Variants in SLC25A26 observed in about 807,000 individuals in gnomAD.
The protein encoded by SLC25A26 is solute carrier family 25 member 26.
A neutral mutation model predicts 37.8 loss-of-function variants in SLC25A26; 36 were observed. That is an observed-to-expected ratio of 0.95 (90% CI 0.73 to 1.26). The LOEUF is 1.26. Among genes scored for constraint, SLC25A26 ranks in the 50% most tolerant of loss-of-function variants. The pLI is 0.00. For synonymous variants in SLC25A26, 129 were observed against 122.5 expected (o/e 1.05, Z -0.35); for missense variants, 390 against 331.1 (o/e 1.18, Z -1.38).
intron 5 of SLC25A26, among the ~76,000 whole-genome samples, chr3:66,265,233 G>T (rs1038890104): frequency 7.2e-5 from 11 of 152,058 alleles, no homozygotes; most frequent in African/African-American, 2.7e-4. Flanking sequence ...CTTGAGCCTG[G>T]GATGTCGAGG....
At chr3:66,223,947 A>G (rs1443824088) in intron 1 of SLC25A26, among the ~76,000 whole-genome samples, 1 of 152,236 alleles carries the variant, frequency 6.6e-6, no homozygotes, top group Non-Finnish European at 1.5e-5. Flanking sequence ...TGAAGACAGT[A>G]AGAAGCTGCT....
In SLC25A26 at chr3:66,170,698, T is replaced by A. The variant is rs142783306; in HGVS notation, c.-354+36714T>A. Among the ~76,000 whole-genome samples the A allele has an allele frequency of 4.6e-4, 70 of 151,042 alleles. No homozygotes were observed. The East Asian group carries it at 6.6e-3, about 14-fold the overall frequency. On this transcript the variant is annotated intron_variant, in intron 1 of 10. Transcript: ENST00000676754. ...CTGCAGAACTCTGCTATTCCATCCATCTATAATCCCACAGTGCCTGACACA... is the reference window on the plus strand; with the variant it reads ...CTGCAGAACTCTGCTATTCCATCCAACTATAATCCCACAGTGCCTGACACA...
chr3:66,281,053 G>C (rs926433675), intron 5 of SLC25A26, among the ~76,000 whole-genome samples: 23 of 152,252 alleles, frequency 1.5e-4, no homozygotes, highest in African/African-American at 5.5e-4. Context: ...TTGGTTGTCA[G>C]GGTCCCCAAC....
At chr3:66,210,534 AGATGG>A (rs2071270838) in intron 1 of SLC25A26, among the ~76,000 whole-genome samples, 1 of 151,050 alleles carries the variant, frequency 6.6e-6, no homozygotes, top group Non-Finnish European at 1.5e-5. Flanking sequence ...TTTTTTCTTG[AGATGG>A]GGGTCTCACT....
rs576352740 is a variant in SLC25A26, at chr3:66,221,420, T to C, written c.33+293T>C. On this transcript the variant is annotated intron_variant, in intron 1 of 9. Transcript: ENST00000354883. ...GCTTCTATTATACACTGTTAACTAC[T>C]CTTTCATTAAATAGTGTAACTACTC... Among the ~76,000 whole-genome samples, 10 of 152,360 alleles carry C rather than the reference T, an allele frequency of 6.6e-5. No individual in the cohort carries two copies. The South Asian group carries it at 2.1e-3, about 32-fold the overall frequency.
At chr3:66,183,258 A>G (rs2070751366) in intron 1 of SLC25A26, among the ~76,000 whole-genome samples, 1 of 151,846 alleles carries the variant, frequency 6.6e-6, no homozygotes, top group Non-Finnish European at 1.5e-5. Context: ...ATTCACTCTG[A>G]CACAGGACAT....
chr3:66,235,780 A>G (rs144955302), intron 1 of SLC25A26, among the ~76,000 whole-genome samples: 2 of 152,366 alleles, frequency 1.3e-5, no homozygotes, highest in African/African-American at 2.4e-5. Flanking sequence ...ACATGCTTAT[A>G]TATGTTTAAA....
chr3:66,243,105 A>G, intron 2 of SLC25A26, 98 bp from the exon 3 acceptor site: 2 of 646,970 alleles, frequency 3.1e-6, no homozygotes, highest in African/African-American at 3.6e-5. Context: ...TTATCTCATA[A>G]TTTAATAATT....
At chr3:66,139,295 G>A (rs2069997753) in intron 1 of SLC25A26, among the ~76,000 whole-genome samples, 1 of 152,136 alleles carries the variant, frequency 6.6e-6, no homozygotes, top group South Asian at 2.1e-4. Flanking sequence ...TAATTCTGCA[G>A]CCTCTTATTT....
At chr3:66,197,321 C>T (rs1307270524) in intron 1 of SLC25A26, among the ~76,000 whole-genome samples, 1 of 151,846 alleles carries the variant, frequency 6.6e-6, no homozygotes, top group Non-Finnish European at 1.5e-5. Context: ...GACATAGTGA[C>T]GGATAAGTTC....
At chr3:66,208,974 G>GTGTCTA (rs1224075955) in intron 1 of SLC25A26, among the ~76,000 whole-genome samples, 1 of 83,130 alleles carries the variant, frequency 1.2e-5, no homozygotes, top group African/African-American at 5.4e-5. Flanking sequence ...ATAAAGGTGT[G>GTGTCTA]TATATATATA....
At chr3:66,346,506 A>G in intron 6 of SLC25A26, 98 bp downstream of exon 6, 1 of 587,186 alleles carries the variant, frequency 1.7e-6, no homozygotes, top group South Asian at 3.5e-5. Context: ...CTAGAAGTTC[A>G]GCAACTCAAA....
intron 1 of SLC25A26, among the ~76,000 whole-genome samples, chr3:66,177,264 A>G (rs572655348): frequency 2.6e-5 from 4 of 152,234 alleles, no homozygotes; most frequent in Admixed American, 6.5e-5. Flanking sequence ...CAATGCTGAC[A>G]TAGTTGGACT....
intron 5 of SLC25A26, among the ~76,000 whole-genome samples, chr3:66,322,293 C>G (rs1434008671): frequency 6.6e-6 from 1 of 152,106 alleles, no homozygotes; most frequent in Non-Finnish European, 1.5e-5. Flanking sequence ...CACTTTTACC[C>G]TGTGAAGTTT....
upstream of SLC25A26, among the ~76,000 whole-genome samples, chr3:66,216,199 AACAAATACT>A (rs2071358303): frequency 6.6e-6 from 1 of 152,196 alleles, no homozygotes; most frequent in Admixed American, 6.5e-5. Flanking sequence ...TTCAGATCTT[AACAAATACT>A]ATCGTATTTT....
intron 6 of SLC25A26, among the ~76,000 whole-genome samples, chr3:66,362,500 G>T (rs1330781725): frequency 2.0e-5 from 3 of 152,200 alleles, no homozygotes; most frequent in Non-Finnish European, 4.4e-5. Flanking sequence ...AGATCAGATT[G>T]CTTGGGGGAT....
In SLC25A26 at chr3:66,359,648, A is replaced by G. The variant is rs565059022; in HGVS notation, c.499-3212A>G. Among the ~76,000 whole-genome samples, 14 of 152,300 alleles carry G rather than the reference A, an allele frequency of 9.2e-5. No individual in the cohort carries two copies. The South Asian group carries it at 2.9e-3, about 32-fold the overall frequency. On this transcript the variant is annotated intron_variant, in intron 6 of 9. Transcript: ENST00000354883. Reference sequence around the variant, plus strand: ...TTAAAACTGGCATTAGCCTGATAAAATACACCCTTTGCCACCTTAAAAGTA... The same window carrying G: ...TTAAAACTGGCATTAGCCTGATAAAGTACACCCTTTGCCACCTTAAAAGTA...
intron 5 of SLC25A26, among the ~76,000 whole-genome samples, chr3:66,315,876 T>C (rs1369839904): frequency 6.6e-6 from 1 of 152,210 alleles, no homozygotes; most frequent in Non-Finnish European, 1.5e-5. Context: ...ATGCCCTTTT[T>C]TGTCTTTTTT....
intron 1 of SLC25A26, among the ~76,000 whole-genome samples, chr3:66,147,121 C>A (rs1479733251): frequency 1.1e-5 from 1 of 95,234 alleles, no homozygotes; most frequent in Non-Finnish European, 2.1e-5. Context: ...CCCCTCCCCT[C>A]CCCTCCCTTC....
Sources: gnomAD v4.1 joint callset for allele counts (sites outside exome capture counted in the v4.1 genomes callset) on GRCh38, gnomAD v4.1.1 for gene constraint, MANE v1.5 for transcripts, NCBI Gene and HGNC (gene_info 2026-07-23, HGNC 2026-07-21) for gene names.